Variants in ADGRD1 observed in about 807,000 individuals in gnomAD.
ADGRD1 encodes the protein adhesion G protein-coupled receptor D1.
In ADGRD1, 77 loss-of-function variants were observed where a neutral mutation model predicts 113.4. The observed-to-expected ratio is 0.68, with a 90% CI of 0.57 to 0.82. The LOEUF (loss-of-function observed/expected upper bound fraction) is 0.82, where lower values mean the gene tolerates loss of function less well. Among genes scored for constraint, ADGRD1 ranks in the 40% least tolerant of loss-of-function variants. The pLI is 0.00. For missense variants in ADGRD1, 1,036 were observed against 1,139.1 expected, an observed-to-expected ratio of 0.91 and a Z score of 1.30; for synonymous variants, 474 against 475.0, an observed-to-expected ratio of 1.00 and a Z score of 0.03.
chr12:130,984,910 A>ACTCTCT lies in ADGRD1; in HGVS notation c.491-2179_491-2174dup, dbSNP rs758265539. Reference sequence around the variant, plus strand: ...CTTTCTTCTCTTCTCTCTCTCTCTCACTCTCTCTCTCCTCTCTTCTCTCTT... The same window carrying ACTCTCT: ...CTTTCTTCTCTTCTCTCTCTCTCTCACTCTCTCTCTCTCTCTCCTCTCTTCTCTCTT... On this transcript the variant is annotated intron_variant, in intron 5 of 24. Transcript: ENST00000261654. The surrounding 1 kb of genome is among the most constrained non-coding windows in gnomAD (Gnocchi z 4.1). 5.7e-4 allele frequency among the ~76,000 whole-genome samples: 56 copies of ACTCTCT among 98,336 alleles called. No individual in the cohort carries two copies. Among genetic ancestry groups the ACTCTCT allele is most frequent in the Admixed American group, 1.1e-3 (9 of 8,564 alleles). The allele number at this position is 98,336 out of a possible 152,430, so 64.5% of individuals were successfully genotyped here.
chr12:130,957,193 T>C (rs1049572852), intron 2 of ADGRD1: 1 of 152,270 alleles, frequency 6.6e-6, no homozygotes, highest in African/African-American at 2.4e-5. Context: ...TTTACACATG[T>C]TCACACATGT....
At chr12:130,987,543 A>G in intron 6 of ADGRD1, 194 bp downstream of exon 6, 1 of 616,046 alleles carries the variant, frequency 1.6e-6, no homozygotes, top group Non-Finnish European at 2.8e-6. Context: ...ATAATTTACT[A>G]GAGATGCTTT....
intron 2 of ADGRD1, among the ~76,000 whole-genome samples, chr12:130,963,739 T>C (rs1870694343): frequency 6.6e-6 from 1 of 152,214 alleles, no homozygotes; most frequent in Non-Finnish European, 1.5e-5. Context: ...ATTAAAAAAT[T>C]CTACAACAAA....
intron 13 of ADGRD1, among the ~76,000 whole-genome samples, chr12:131,068,634 C>G (rs1479447384): frequency 2.0e-5 from 3 of 152,216 alleles, no homozygotes; most frequent in African/African-American, 7.2e-5. Context: ...TTTAAAGACA[C>G]TCTGGCATTA....
At chr12:130,972,001 C>A (rs922427992) in intron 4 of ADGRD1, among the ~76,000 whole-genome samples, 1 of 152,164 alleles carries the variant, frequency 6.6e-6, no homozygotes, top group African/African-American at 2.4e-5. Context: ...AGAACACTTG[C>A]GCCTGGTTTT....
intron 13 of ADGRD1, chr12:131,070,871 G>A (rs761435001): frequency 1.3e-4 from 69 of 519,054 alleles, no homozygotes; most frequent in East Asian, 9.3e-4. Context: ...GTGTCTGCAC[G>A]GGACGTCCTG....
At chr12:130,957,066 C>A (rs1869687957) in intron 2 of ADGRD1, 1 of 149,518 alleles carries the variant, frequency 6.7e-6, no homozygotes, top group African/African-American at 2.5e-5. Flanking sequence ...CACATGCATC[C>A]ACACATGTGT....
At chr12:131,037,134 CCGGGCCT>C (rs1881555209) in intron 13 of ADGRD1, among the ~76,000 whole-genome samples, 1 of 142,112 alleles carries the variant, frequency 7.0e-6, no homozygotes, top group Non-Finnish European at 1.5e-5. Context: ...ACTCACTGCA[CCGGGCCT>C]CACTCACGGC....
At chr12:131,097,894 C>G (rs1309447527) in intron 15 of ADGRD1, among the ~76,000 whole-genome samples, 1 of 152,234 alleles carries the variant, frequency 6.6e-6, no homozygotes, top group Non-Finnish European at 1.5e-5. Flanking sequence ...GCTCTCTGCC[C>G]TACGCTTGGC....
chr12:131,097,897 C>T (rs988275083), intron 15 of ADGRD1, among the ~76,000 whole-genome samples: 9 of 152,352 alleles, frequency 5.9e-5, no homozygotes, highest in Non-Finnish European at 1.0e-4. Context: ...CTCTGCCCTA[C>T]GCTTGGCTTC....
At chr12:131,105,205 T>C (rs1029673997) in intron 16 of ADGRD1, among the ~76,000 whole-genome samples, 6 of 152,220 alleles carry the variant, frequency 3.9e-5, no homozygotes, top group African/African-American at 1.4e-4. Flanking sequence ...AGGCGTGTGG[T>C]CGGCTTTGAG....
intron 13 of ADGRD1, among the ~76,000 whole-genome samples, chr12:131,032,454 C>G (rs905467848): frequency 2.7e-5 from 4 of 150,736 alleles, no homozygotes; most frequent in Admixed American, 6.6e-5. Flanking sequence ...CTGACACGTC[C>G]CCCACCGCTG....
At chr12:130,970,270 G>A (rs1871460487) in intron 3 of ADGRD1, 1 of 152,186 alleles carries the variant, frequency 6.6e-6, no homozygotes, top group African/African-American at 2.4e-5. Flanking sequence ...AAAACTGACT[G>A]CTCTTTCAAC....
At chr12:131,114,799 TCTGAAGGGAGGGACAGATAAC>T (rs1474744431) in intron 18 of ADGRD1, among the ~76,000 whole-genome samples, 5 of 151,996 alleles carry the variant, frequency 3.3e-5, no homozygotes, top group African/African-American at 4.8e-5. Context: ...TGCTAGGAAC[TCTGAAGGGAGGGACAGATAAC>T]CTCTGTCCTC....
chr12:131,131,684 G>A (rs778966345), intron 20 of ADGRD1, 41 bp from the exon 21 acceptor site: 1 of 1,421,522 alleles, frequency 7.0e-7, no homozygotes, highest in East Asian at 2.3e-5. Flanking sequence ...TGCAGGTGCA[G>A]CCCAGGCCCC....
Position 131,096,071 on chromosome 12 carries a change from G to A in ADGRD1, c.1672-8760G>A, listed in dbSNP as rs547109913. 5.9e-5 allele frequency among the ~76,000 whole-genome samples: 8 copies of A among 135,056 alleles called. No individual in the cohort carries two copies. Among genetic ancestry groups the A allele is most frequent in the African/African-American group, 1.0e-4 (4 of 39,344 alleles). 88.6% of individuals were successfully genotyped at this position (135,056 alleles called of 152,430 possible). A position where few individuals can be genotyped will look rare whatever the true frequency, so the allele number is the denominator to read the frequency against. The stretch of plus-strand genomic sequence containing the variant: ...GCCTCCCGGCCCTGCCCAGAGCAGC[G>A]GCCTAGACACGCGCTTGCTTTTCTG... On this transcript the variant is annotated intron_variant, in intron 15 of 24. Coordinates refer to ENST00000261654, the MANE Select transcript of ADGRD1 (RefSeq NM_198827.5). The surrounding 1 kb of genome is among the most constrained non-coding windows in gnomAD (Gnocchi z 5.2).
chr12:131,132,355 T>C (rs536457569), intron 21 of ADGRD1, among the ~76,000 whole-genome samples: 45 of 152,216 alleles, frequency 3.0e-4, no homozygotes, highest in Non-Finnish European at 4.7e-4. Context: ...GCCACACAAC[T>C]CACTGCCATC....
chr12:131,108,836 C>G lies in ADGRD1; in HGVS notation c.2000C>G (p.Ser667Trp). ...LYSMVIKVFG[S>W]EDSKHRYYYG... ...AGCATGGTGATCAAGGTCTTTGGGT[C>G]GGAGGACAGCAAGCACCGTTACTAC... Residue 667 changes from serine to tryptophan, a missense_variant, in exon 18 of 25, where the codon TCG (serine) becomes TGG (tryptophan). Physicochemically the swap from Ser to Trp is radical, Grantham distance 177 (BLOSUM62 -3). Transcript: ENST00000261654. 1 of 1,514,430 alleles carries G rather than the reference C, an allele frequency of 6.6e-7. No homozygotes were observed. Among genetic ancestry groups the G allele is most frequent in the Non-Finnish European group, 8.9e-7 (1 of 1,119,660 alleles). 93.8% of individuals were successfully genotyped at this position (1,514,430 alleles called of 1,614,324 possible). A position where few individuals can be genotyped will look rare whatever the true frequency, so the allele number is the denominator to read the frequency against.
rs1883984290 is a variant in ADGRD1, at chr12:131,057,574, C to T, written c.1474-19227C>T. ...AGTAGTCCTGGCCTGCGGCAGCCAACTCCAGTCTCTGCCCCGTCTCCCCAC... is the reference window on the plus strand; with the variant it reads ...AGTAGTCCTGGCCTGCGGCAGCCAATTCCAGTCTCTGCCCCGTCTCCCCAC... On this transcript the variant is annotated intron_variant, in intron 13 of 24. Coordinates refer to ENST00000261654, the MANE Select transcript of ADGRD1 (RefSeq NM_198827.5). The surrounding 1 kb of genome is among the most constrained non-coding windows in gnomAD (Gnocchi z 4.2). Among the ~76,000 whole-genome samples the T allele has an allele frequency of 6.6e-6, 1 of 152,222 alleles. No individual in the cohort carries two copies. The highest frequency in any genetic ancestry group is 2.4e-5 in the African/African-American group (1 of 41,462).
Sources: allele counts gnomAD v4.1 joint callset (sites outside exome capture counted in the v4.1 genomes callset), GRCh38; gene constraint gnomAD v4.1.1; non-coding constraint Gnocchi (gnomAD v3.1); transcripts MANE v1.5; gene names NCBI Gene and HGNC (gene_info 2026-07-23, HGNC 2026-07-21).